Variants in PCDHA13 observed in about 807,000 individuals in gnomAD.
PCDHA13 encodes the protein protocadherin alpha-13.
PCDHA13 carries 54 observed loss-of-function variants against 64.8 expected under a neutral mutation model. The observed-to-expected ratio is 0.83, with a 90% confidence interval of 0.67 to 1.04. PCDHA13 has a LOEUF of 1.04. PCDHA13 is among the 50% of genes least tolerant of loss of function. The pLI is 0.00. For missense variants in PCDHA13, 1,248 were observed against 1,254.3 expected (o/e 0.99, Z 0.08); for synonymous variants, 587 against 564.4 (o/e 1.04, Z -0.57).
chr5:140,990,554 A>T (rs555586765), intron 3 of PCDHA13, among the ~76,000 whole-genome samples: 1 of 152,308 alleles, frequency 6.6e-6, no homozygotes, highest in East Asian at 1.9e-4. Context: ...GTATTACCCA[A>T]GAACACACAC....
At chr5:140,927,015 G>C in intron 1 of PCDHA13, 1 of 1,612,466 alleles carries the variant, frequency 6.2e-7, no homozygotes, top group Non-Finnish European at 8.5e-7. Context: ...ATCTCTCCGC[G>C]GACTTGAGGC....
intron 1 of PCDHA13, among the ~76,000 whole-genome samples, chr5:140,951,891 C>T (rs913687305): frequency 1.3e-5 from 2 of 152,110 alleles, no homozygotes; most frequent in Non-Finnish European, 2.9e-5. Context: ...TCTCTTCTGC[C>T]TATGAGCCTG....
intron 1 of PCDHA13, among the ~76,000 whole-genome samples, chr5:140,911,469 A>T (rs1365800005): frequency 3.3e-5 from 5 of 151,880 alleles, no homozygotes; most frequent in African/African-American, 9.7e-5. Context: ...AGGAGATAAG[A>T]CTCTCACTCA....
chr5:140,899,491 A>T (rs1333944586), intron 1 of PCDHA13, among the ~76,000 whole-genome samples: 1 of 152,196 alleles, frequency 6.6e-6, no homozygotes, highest in East Asian at 1.9e-4. Flanking sequence ...GCTGGATTAC[A>T]TTTATTGATT....
intron 1 of PCDHA13, among the ~76,000 whole-genome samples, chr5:140,976,450 C>T (rs2096717096): frequency 6.6e-6 from 1 of 152,040 alleles, no homozygotes; most frequent in South Asian, 2.1e-4. Flanking sequence ...ACTAGGGAGG[C>T]TGGGGAAGAA....
chr5:140,939,863 G>C (rs2092478768), intron 1 of PCDHA13, among the ~76,000 whole-genome samples: 1 of 152,064 alleles, frequency 6.6e-6, no homozygotes, highest in Non-Finnish European at 1.5e-5. Flanking sequence ...ATGTCCATTA[G>C]GTCATCTTTG....
intron 1 of PCDHA13, among the ~76,000 whole-genome samples, chr5:140,957,527 T>C (rs1441282290): frequency 6.6e-6 from 1 of 152,138 alleles, no homozygotes; most frequent in African/African-American, 2.4e-5. Context: ...AGACATTCAG[T>C]GGGGATCTTA....
rs1325390456 is a variant in PCDHA13, at chr5:140,928,073, A to G, written c.2394+43411A>G. 8.7e-6 allele frequency: 14 copies of G among 1,614,066 alleles called. No homozygotes were observed. The highest frequency in any genetic ancestry group is 8.0e-5 in the African/African-American group (6 of 74,934). On this transcript the variant is annotated intron_variant, in intron 1 of 3. Coordinates refer to ENST00000289272, the MANE Select transcript of PCDHA13 (RefSeq NM_018904.3). ...CAGCTGACGGCTTCCTTTGACAACTACTACAGCCTGCTGATTGATGGGCCC... is the reference window on the plus strand; with the variant it reads ...CAGCTGACGGCTTCCTTTGACAACTGCTACAGCCTGCTGATTGATGGGCCC...
At chr5:140,886,101 A>G (rs1554182351) in intron 1 of PCDHA13, among the ~76,000 whole-genome samples, 1 of 152,228 alleles carries the variant, frequency 6.6e-6, no homozygotes, top group Admixed American at 6.5e-5. Context: ...ACATTGATAC[A>G]GTAAAGAAGT....
chr5:140,966,113 A>T (rs1224729629), intron 1 of PCDHA13: 1 of 155,768 alleles, frequency 6.4e-6, no homozygotes, highest in African/African-American at 2.4e-5. Flanking sequence ...GGGTGCCCAT[A>T]CTTAGCTAAG....
intron 1 of PCDHA13, among the ~76,000 whole-genome samples, chr5:140,895,936 G>A (rs1428112046): frequency 6.6e-6 from 1 of 151,984 alleles, no homozygotes; most frequent in Non-Finnish European, 1.5e-5. Context: ...TCAGCCTCCC[G>A]AGTAGCTGGG....
At chr5:140,953,545 C>A (rs551898012) in intron 1 of PCDHA13, among the ~76,000 whole-genome samples, 1 of 152,204 alleles carries the variant, frequency 6.6e-6, no homozygotes, top group Admixed American at 6.5e-5. Context: ...CATGCTGATT[C>A]TTTTCTCCAA....
intron 3 of PCDHA13, among the ~76,000 whole-genome samples, chr5:140,990,570 C>T (rs142596715): frequency 7.2e-4 from 110 of 152,260 alleles, no homozygotes; most frequent in African/African-American, 2.4e-3. Context: ...CACACCTGTT[C>T]GATCTCTTTT....
intron 3 of PCDHA13, among the ~76,000 whole-genome samples, chr5:140,986,316 C>T (rs1407067646): frequency 2.0e-5 from 3 of 152,146 alleles, no homozygotes; most frequent in African/African-American, 7.2e-5. Context: ...TTAGCTAAAT[C>T]AGGAATGCAG....
chr5:140,983,228 A>G (rs1012242202), intron 3 of PCDHA13, among the ~76,000 whole-genome samples: 1 of 152,240 alleles, frequency 6.6e-6, no homozygotes, highest in South Asian at 2.1e-4. Flanking sequence ...CCAAACTTTC[A>G]GGAAAGAGAA....
At position 141,010,550 on chromosome 5, in the gene PCDHA13, ACCCC is replaced by A; in HGVS notation, c.*615_*618del. 6.3e-6 allele frequency: 2 copies of A among 316,712 alleles called. No homozygotes were observed. Among genetic ancestry groups the A allele is most frequent in the South Asian group, 1.1e-4 (2 of 17,516 alleles). The allele number at this position is 316,712 out of a possible 1,614,324, so 19.6% of individuals were successfully genotyped here. A position where few individuals can be genotyped will look rare whatever the true frequency, so the allele number is the denominator to read the frequency against. On this transcript the variant is annotated 3_prime_UTR_variant, in exon 4 of 4. Coordinates refer to ENST00000289272, the MANE Select transcript of PCDHA13 (RefSeq NM_018904.3). ...CAGCCACCCTCTAGGAGACAAAACT[ACCCC>A]CACTGACAAGGCTTTAGGAGACCCT...
In PCDHA13 at chr5:140,883,054, C is replaced by T; in HGVS notation, c.786C>T (p.Ile262=). Residue 262 remains isoleucine (I), a synonymous_variant, in exon 1 of 4, where the codon ATC becomes ATT. Transcript: ENST00000289272. ...LENAFNGTLV[I]KLNATDPDDG... is the part of the protein sequence containing the mutation. ...ACGCCTTCAATGGAACATTAGTGAT[C>T]AAGCTAAATGCCACAGATCCTGATG... The T allele has an allele frequency of 6.2e-7, 1 of 1,614,072 alleles. No homozygotes were observed. The highest frequency in any genetic ancestry group is 1.1e-5 in the South Asian group (1 of 91,062).
At chr5:141,006,612 AAGG>A (rs2098279964) in intron 3 of PCDHA13, among the ~76,000 whole-genome samples, 1 of 152,204 alleles carries the variant, frequency 6.6e-6, no homozygotes, top group African/African-American at 2.4e-5. Flanking sequence ...CAGACTGAAT[AAGG>A]AGACTATTGC....
intron 1 of PCDHA13, among the ~76,000 whole-genome samples, chr5:140,892,977 G>A (rs188368199): frequency 1.8e-4 from 27 of 152,270 alleles, no homozygotes; most frequent in Admixed American, 6.5e-4. Flanking sequence ...TTTTGTAGCT[G>A]CCGTATAAGT....
Sources: gnomAD v4.1 joint callset for allele counts (sites outside exome capture counted in the v4.1 genomes callset) on GRCh38, gnomAD v4.1.1 for gene constraint, MANE v1.5 for transcripts, NCBI Gene and HGNC (gene_info 2026-07-23, HGNC 2026-07-21) for gene names.